The following UNC79 variants were observed in gnomAD, a reference collection of about 807,000 sequenced individuals.
UNC79 encodes the protein protein unc-79 homolog.
In UNC79, 37 loss-of-function variants were observed where a neutral mutation model predicts 283.1. That is an observed-to-expected ratio of 0.13 (90% CI 0.10 to 0.17). The LOEUF is 0.17. Ranked by LOEUF, UNC79 falls within the 10% of genes least tolerant of loss-of-function variation. UNC79 has a pLI of 1.00. For synonymous variants in UNC79, 1,107 were observed against 1,200.2 expected, an observed-to-expected ratio of 0.92 and a Z score of 1.61; for missense variants, 2,272 against 3,211.1, an observed-to-expected ratio of 0.71 and a Z score of 7.07.
intron 1 of UNC79, among the ~76,000 whole-genome samples, chr14:93,422,961 G>C (rs1301911338): frequency 6.6e-6 from 1 of 150,762 alleles, no homozygotes; most frequent in East Asian, 2.0e-4. Context: ...TACTCAGGAG[G>C]TTGAGGCAGG....
chr14:93,463,889 C>T (rs924298810), intron 1 of UNC79, among the ~76,000 whole-genome samples: 3 of 152,178 alleles, frequency 2.0e-5, no homozygotes, highest in Non-Finnish European at 4.4e-5. Context: ...GTGGTTCATG[C>T]TTGTAATCCC....
intron 1 of UNC79, among the ~76,000 whole-genome samples, chr14:93,344,882 C>G (rs1250168652): frequency 6.6e-6 from 1 of 152,072 alleles, no homozygotes; most frequent in Non-Finnish European, 1.5e-5. Context: ...GGGTAAGATT[C>G]CAGAGCACAG....
At chr14:93,342,352 C>T (rs768174441) in intron 1 of UNC79, among the ~76,000 whole-genome samples, 14 of 152,354 alleles carry the variant, frequency 9.2e-5, no homozygotes, top group Non-Finnish European at 1.8e-4. Flanking sequence ...TCCTTTTTAG[C>T]CATGGCTGGA....
At chr14:93,528,522 A>C in intron 8 of UNC79, 36 bp from the exon 9 acceptor site, 2 of 1,586,472 alleles carry the variant, frequency 1.3e-6, no homozygotes, top group Non-Finnish European at 1.7e-6. Flanking sequence ...ATACCCAGGA[A>C]CAGGAGAGTT....
chr14:93,567,287 G>A (rs112250604), intron 14 of UNC79, among the ~76,000 whole-genome samples: 23 of 152,132 alleles, frequency 1.5e-4, no homozygotes, highest in Non-Finnish European at 2.6e-4. Flanking sequence ...GTGTAGTGGC[G>A]CAATCTCGGC....
intron 1 of UNC79, among the ~76,000 whole-genome samples, chr14:93,355,665 C>A (rs956611911): frequency 2.6e-5 from 4 of 152,190 alleles, no homozygotes; most frequent in African/African-American, 9.7e-5. Flanking sequence ...TTTTTAACTT[C>A]TCTTACATTG....
intron 47 of UNC79, among the ~76,000 whole-genome samples, chr14:93,703,548 T>A (rs2075680393): frequency 1.3e-5 from 2 of 152,240 alleles, no homozygotes; most frequent in African/African-American, 4.8e-5. Flanking sequence ...TACTCAAGTA[T>A]GACCCCATCT....
intron 40 of UNC79, among the ~76,000 whole-genome samples, chr14:93,669,907 A>T (rs867102803): frequency 4.6e-5 from 7 of 152,300 alleles, no homozygotes; most frequent in African/African-American, 1.7e-4. Flanking sequence ...TTCAGCACAC[A>T]ATCAAAGATA....
intron 1 of UNC79, among the ~76,000 whole-genome samples, chr14:93,445,268 A>C (rs1174991830): frequency 6.6e-6 from 1 of 152,200 alleles, no homozygotes; most frequent in Non-Finnish European, 1.5e-5. Context: ...ATAATTTTAC[A>C]TCTGCCTTTC....
At chr14:93,695,870 A>C (rs1439153812) in intron 47 of UNC79, among the ~76,000 whole-genome samples, 1 of 132,624 alleles carries the variant, frequency 7.5e-6, no homozygotes, top group Non-Finnish European at 1.6e-5. Context: ...CAGCCTGGGC[A>C]ACAGGATGAG....
intron 1 of UNC79, among the ~76,000 whole-genome samples, chr14:93,368,003 A>G (rs2054369017): frequency 6.6e-6 from 1 of 152,240 alleles, no homozygotes; most frequent in Non-Finnish European, 1.5e-5. Context: ...TTACACATTT[A>G]TGTAAAATTC....
intron 1 of UNC79, among the ~76,000 whole-genome samples, chr14:93,348,886 A>G (rs1354672676): frequency 2.0e-5 from 3 of 152,364 alleles, no homozygotes; most frequent in African/African-American, 7.2e-5. Context: ...ACCTCTCAAC[A>G]TAGTACCTGA....
chr14:93,695,474 G>A (rs1460266768), intron 47 of UNC79, among the ~76,000 whole-genome samples: 1 of 152,196 alleles, frequency 6.6e-6, no homozygotes, highest in Non-Finnish European at 1.5e-5. Flanking sequence ...CACTGTTGGA[G>A]TGCAGTGGTG....
chr14:93,515,792 C>G (rs1013442471), intron 7 of UNC79, among the ~76,000 whole-genome samples: 1 of 152,080 alleles, frequency 6.6e-6, no homozygotes, highest in African/African-American at 2.4e-5. Context: ...CTTTTGTCAA[C>G]ATAATGTGAA....
intron 40 of UNC79, among the ~76,000 whole-genome samples, chr14:93,671,338 A>T (rs2072829395): frequency 6.6e-6 from 1 of 152,152 alleles, no homozygotes; most frequent in African/African-American, 2.4e-5. Context: ...CAAAGAAGAG[A>T]GAAAGGAAGA....
At chr14:93,453,782 T>C (rs1007471064) in intron 1 of UNC79, among the ~76,000 whole-genome samples, 5 of 152,220 alleles carry the variant, frequency 3.3e-5, no homozygotes, top group African/African-American at 1.2e-4. Flanking sequence ...ATATTCTGTT[T>C]CAAATTGTTA....
chr14:93,640,559 T>C (rs779612944), intron 32 of UNC79, among the ~76,000 whole-genome samples: 2 of 151,772 alleles, frequency 1.3e-5, no homozygotes, highest in Non-Finnish European at 2.9e-5. Flanking sequence ...GCCTGGGAGG[T>C]TGAGGCTGCA....
intron 1 of UNC79, among the ~76,000 whole-genome samples, chr14:93,420,309 G>A (rs2055568299): frequency 6.6e-6 from 1 of 151,548 alleles, no homozygotes; most frequent in Admixed American, 6.6e-5. Context: ...AAGAGCAGGA[G>A]TGGCTATATT....
At chr14:93,655,140 T>C in intron 37 of UNC79, 94 bp from the exon 41 acceptor site, 13 of 1,423,348 alleles carry the variant, frequency 9.1e-6, no homozygotes, top group South Asian at 1.3e-5. Context: ...GTTTATAGCC[T>C]GAAGATGTGA....
Sources: gnomAD v4.1 joint callset for allele counts (sites outside exome capture counted in the v4.1 genomes callset) on GRCh38, gnomAD v4.1.1 for gene constraint, MANE v1.5 for transcripts, NCBI Gene and HGNC (gene_info 2026-07-23, HGNC 2026-07-21) for gene names.